Variants in NRROS observed in about 807,000 individuals in gnomAD.
NRROS encodes negative regulator of reactive oxygen species, also known as transforming growth factor beta activator LRRC33.
NRROS carries 6 observed loss-of-function variants against 12.0 expected under a neutral mutation model. That is an observed-to-expected ratio of 0.50 (90% CI 0.27 to 0.98). The LOEUF is 0.98. Ranked by LOEUF, NRROS falls within the 50% of genes least tolerant of loss-of-function variation. NRROS has a pLI of 0.11. For missense variants in NRROS, 857 were observed against 888.2 expected, an observed-to-expected ratio of 0.96 and a Z score of 0.45; for synonymous variants, 462 against 410.2, an observed-to-expected ratio of 1.13 and a Z score of -1.53.
intron 1 of NRROS, among the ~76,000 whole-genome samples, chr3:196,640,820 C>T (rs1490151170): frequency 1.3e-5 from 2 of 152,112 alleles, no homozygotes; most frequent in Non-Finnish European, 2.9e-5. Flanking sequence ...CAGGGCTGGT[C>T]GGGGCTGCTG....
In NRROS at chr3:196,653,666, C is replaced by T. The variant is rs183347215; in HGVS notation, c.-13-861C>T. Among the ~76,000 whole-genome samples, 211 of 152,368 alleles carry T rather than the reference C, an allele frequency of 1.4e-3. 3 individuals are homozygous for T. Among genetic ancestry groups the T allele is most frequent in the African/African-American group, 5.0e-3 (207 of 41,586 alleles). On this transcript the variant is annotated intron_variant, in intron 1 of 2. Coordinates refer to ENST00000328557, the MANE Select transcript of NRROS (RefSeq NM_198565.3). ...TGCTCACTCATCGGAGCTCGGGGAGCGAGGCGGGGCTGCTCTTAGCCCTGC... is the reference window on the plus strand; with the variant it reads ...TGCTCACTCATCGGAGCTCGGGGAGTGAGGCGGGGCTGCTCTTAGCCCTGC...
intron 1 of NRROS, among the ~76,000 whole-genome samples, chr3:196,649,541 G>A (rs1304337156): frequency 2.0e-5 from 3 of 151,814 alleles, no homozygotes; most frequent in Non-Finnish European, 2.9e-5. Flanking sequence ...GCGTGATCTC[G>A]GCTCACTGCA....
chr3:196,652,858 G>A (rs1737456993), intron 1 of NRROS, among the ~76,000 whole-genome samples: 1 of 152,160 alleles, frequency 6.6e-6, no homozygotes, highest in Admixed American at 6.6e-5. Flanking sequence ...CACCTGACAA[G>A]AGGTGGCCAG....
intron 1 of NRROS, among the ~76,000 whole-genome samples, chr3:196,651,709 T>G (rs999713891): frequency 6.6e-6 from 1 of 152,006 alleles, no homozygotes; most frequent in African/African-American, 2.4e-5. Context: ...GAGTTTGCAG[T>G]GAGGCGAGAT....
Position 196,654,711 on chromosome 3 carries a change from G to A in NRROS, c.108+64G>A, listed in dbSNP as rs1737502961. On this transcript the variant is annotated intron_variant, in intron 2 of 2. Coordinates refer to ENST00000328557, the MANE Select transcript of NRROS (RefSeq NM_198565.3). The surrounding 1 kb of genome is among the most constrained non-coding windows in gnomAD (Gnocchi z 4.4). ...GTCCTGACAAGGCTTGGTCCATTTGGAAAGCTGACAGATTGTCCATCAGGA... is the reference window on the plus strand; with the variant it reads ...GTCCTGACAAGGCTTGGTCCATTTGAAAAGCTGACAGATTGTCCATCAGGA... 2.0e-6 allele frequency: 2 copies of A among 1,011,756 alleles called. No homozygotes were observed. The highest frequency in any genetic ancestry group is 1.5e-6 in the Non-Finnish European group (1 of 663,354). The allele number at this position is 1,011,756 out of a possible 1,614,324, so 62.7% of individuals were successfully genotyped here.
chr3:196,654,452 CCTT>C lies in NRROS; in HGVS notation c.-13-72_-13-70del, dbSNP rs1228090188. The stretch of plus-strand genomic sequence containing the variant: ...AGACCACATAGAATTGGAACTGGCT[CCTT>C]CTGCCGATAATACAAACAGCCCTCT... On this transcript the variant is annotated intron_variant, in intron 1 of 2. Transcript: ENST00000328557. This position sits in a 1 kb window ranked among gnomAD's most constrained non-coding sequence, Gnocchi z 4.4. 3.0e-5 allele frequency: 26 copies of C among 872,320 alleles called. No individual in the cohort carries two copies. The highest frequency in any genetic ancestry group is 3.0e-4 in the African/African-American group (18 of 60,856). The allele number at this position is 872,320 out of a possible 1,614,324, so 54.0% of individuals were successfully genotyped here. A position where few individuals can be genotyped will look rare whatever the true frequency, so the allele number is the denominator to read the frequency against.
rs1352350114 is a variant in NRROS at position 196,661,844 on chromosome 3, A to T, written c.*122A>T. The T allele has an allele frequency of 1.2e-6, 1 of 867,624 alleles. No homozygotes were observed. The highest frequency in any genetic ancestry group is 1.7e-6 in the Non-Finnish European group (1 of 593,136). The allele number at this position is 867,624 out of a possible 1,614,324, so 53.7% of individuals were successfully genotyped here. ...ATTGAAGTTTCAATTAAAATTTAATATGTTTCCATTCCTCATCGCCCACCC... is the reference window on the plus strand; with the variant it reads ...ATTGAAGTTTCAATTAAAATTTAATTTGTTTCCATTCCTCATCGCCCACCC... On this transcript the variant is annotated 3_prime_UTR_variant, in exon 3 of 3. Coordinates refer to ENST00000328557, the MANE Select transcript of NRROS (RefSeq NM_198565.3).
chr3:196,644,471 C>T (rs1353242029), intron 1 of NRROS, among the ~76,000 whole-genome samples: 2 of 151,874 alleles, frequency 1.3e-5, no homozygotes, highest in Admixed American at 1.3e-4. Context: ...TCAATGACTG[C>T]AATGTACTTT....
Position 196,659,802 on chromosome 3 carries a change from C to A in NRROS, c.159C>A (p.Ser53Arg). ...GGCAGAGCCTCGCTTCGGTGCCCAG[C>A]AGCCTCCCGCCCCACGCCCGGATGC... is the stretch of plus-strand genomic sequence containing the variant. ...CRGQSLASVP[S>R]SLPPHARMLT... Residue 53 changes from serine to arginine, a missense_variant, in exon 3 of 3, where the codon AGC becomes AGA. Ser to Arg is a moderately radical substitution (Grantham distance 110). Transcript: ENST00000328557. The A allele has an allele frequency of 6.2e-7, 1 of 1,613,616 alleles. No individual in the cohort carries two copies. Among genetic ancestry groups the A allele is most frequent in the Middle Eastern group, 1.7e-4 (1 of 6,056 alleles).
intron 1 of NRROS, among the ~76,000 whole-genome samples, chr3:196,643,762 A>G (rs913285484): frequency 7.9e-5 from 12 of 150,990 alleles, no homozygotes; most frequent in African/African-American, 2.9e-4. Flanking sequence ...ACTGTCATTC[A>G]CTCCTCTCCT....
intron 1 of NRROS, among the ~76,000 whole-genome samples, chr3:196,648,193 A>G (rs1161657829): frequency 6.6e-6 from 1 of 152,224 alleles, no homozygotes; most frequent in African/African-American, 2.4e-5. Flanking sequence ...AGAAAAGTTT[A>G]CAAGAAAGTA....
intron 1 of NRROS, among the ~76,000 whole-genome samples, chr3:196,650,114 A>G (rs1305994131): frequency 6.6e-6 from 1 of 152,170 alleles, no homozygotes; most frequent in Non-Finnish European, 1.5e-5. Context: ...TTCTAAAAAC[A>G]AAACAATAGC....
intron 1 of NRROS, among the ~76,000 whole-genome samples, chr3:196,645,650 A>G (rs906635992): frequency 6.6e-6 from 1 of 152,158 alleles, no homozygotes; most frequent in African/African-American, 2.4e-5. Context: ...TCTTGTCAGG[A>G]ATCCATATGC....
chr3:196,660,500 T>C lies in NRROS; in HGVS notation c.857T>C (p.Phe286Ser). Residue 286 changes from phenylalanine to serine, a missense_variant, in exon 3 of 3, where the codon TTC becomes TCC. By Grantham distance (155) the Phe-to-Ser change is radical. Coordinates refer to ENST00000328557, the MANE Select transcript of NRROS (RefSeq NM_198565.3). This position sits in a 1 kb window ranked among gnomAD's most constrained non-coding sequence, Gnocchi z 7.7. ...TLLLRDNNMG[F>S]YRDLYNTSSP... Reference sequence around the variant, plus strand: ...CTGCTGCGCGACAACAACATGGGCTTCTACCGGGACCTGTACAACACCTCG... The same window carrying C: ...CTGCTGCGCGACAACAACATGGGCTCCTACCGGGACCTGTACAACACCTCG... 1.2e-6 allele frequency: 2 copies of C among 1,614,102 alleles called. No individual in the cohort carries two copies. The highest frequency in any genetic ancestry group is 1.7e-6 in the Non-Finnish European group (2 of 1,180,014).
At chr3:196,656,122 G>A (rs1015265126) in intron 2 of NRROS, among the ~76,000 whole-genome samples, 2 of 151,986 alleles carry the variant, frequency 1.3e-5, no homozygotes, top group African/African-American at 2.4e-5. Context: ...AGCTGACATC[G>A]TGCCACTGCA....
Position 196,660,906 on chromosome 3 carries a change from C to T in NRROS, c.1263C>T (p.Leu421=). The T allele has an allele frequency of 6.2e-7, 1 of 1,614,204 alleles. No individual in the cohort carries two copies. Among genetic ancestry groups the T allele is most frequent in the African/African-American group, 1.3e-5 (1 of 75,070 alleles). The part of the protein sequence containing the change: ...SNQLLGVPPG[L]FANARNITTL... Reference sequence around the variant, plus strand: ...AGCTCCTGGGCGTCCCCCCTGGCCTCTTCGCCAATGCTAGGAACATCACTA... The same window carrying T: ...AGCTCCTGGGCGTCCCCCCTGGCCTTTTCGCCAATGCTAGGAACATCACTA... Residue 421 remains leucine, a synonymous_variant, in exon 3 of 3, where the codon CTC becomes CTT. Transcript: ENST00000328557. The surrounding 1 kb of genome is among the most constrained non-coding windows in gnomAD (Gnocchi z 7.7).
chr3:196,640,043 T>C (rs1165406979), intron 1 of NRROS, among the ~76,000 whole-genome samples, 168 bp downstream of exon 1: 1 of 152,148 alleles, frequency 6.6e-6, no homozygotes, highest in East Asian at 1.9e-4. Context: ...GCTTTTGTGC[T>C]GGGCGTGGGG....
chr3:196,650,234 A>G (rs914994122), intron 1 of NRROS, among the ~76,000 whole-genome samples: 1 of 151,654 alleles, frequency 6.6e-6, no homozygotes, highest in African/African-American at 2.4e-5. Context: ...TGCAGCCTCC[A>G]CCTCCCAGGT....
Position 196,654,549 on chromosome 3 carries a change from C to A in NRROS, c.10C>A (p.Leu4Met). 6.2e-7 allele frequency: 1 copy of A among 1,613,046 alleles called. No individual in the cohort carries two copies. Reference sequence around the variant, plus strand: ...CAGGGCTGCCCTTGAGATGGAGTTGCTGCCTCTTTGGCTCTGCCTGGGTTT... The same window carrying A: ...CAGGGCTGCCCTTGAGATGGAGTTGATGCCTCTTTGGCTCTGCCTGGGTTT... MELLPLWLCLGFHF... is the reference protein window; with the variant it reads MELMPLWLCLGFHF... Residue 4 changes from leucine (L) to methionine (M), a missense_variant, in exon 2 of 3, where the codon CTG becomes ATG. By Grantham distance (15) the Leu-to-Met change is conservative. Transcript: ENST00000328557. The surrounding 1 kb of genome is among the most constrained non-coding windows in gnomAD (Gnocchi z 4.4).
Sources: gnomAD v4.1 joint callset for allele counts (sites outside exome capture counted in the v4.1 genomes callset) on GRCh38, gnomAD v4.1.1 for gene constraint, Gnocchi (gnomAD v3.1) non-coding constraint, MANE v1.5 for transcripts, NCBI Gene and HGNC (gene_info 2026-07-23, HGNC 2026-07-21) for gene names.